The following ABCA13 variants were observed in gnomAD, a reference collection of about 807,000 sequenced individuals.
ABCA13 encodes ATP binding cassette subfamily A member 13.
ABCA13 carries 476 observed loss-of-function variants against 478.7 expected under a neutral mutation model. The observed-to-expected ratio is 0.99, with a 90% CI of 0.92 to 1.07. The LOEUF is 1.07. ABCA13 is among the 50% of genes least tolerant of loss of function. The pLI, the probability that ABCA13 is intolerant of heterozygous loss-of-function variation, is 0.00. For missense variants in ABCA13, 6,060 were observed against 5,910.6 expected, an observed-to-expected ratio of 1.03 and a Z score of -0.83; for synonymous variants, 2,252 against 2,158.9, an observed-to-expected ratio of 1.04 and a Z score of -1.20.
chr7:48,284,066 A>T (rs180753986), intron 19 of ABCA13, among the ~76,000 whole-genome samples: 1 of 152,202 alleles, frequency 6.6e-6, no homozygotes, highest in Admixed American at 6.5e-5. Flanking sequence ...ATCTCCCTGC[A>T]TGCCATTGGG....
chr7:48,301,469 A>G (rs1433987876), intron 23 of ABCA13, among the ~76,000 whole-genome samples: 2 of 151,464 alleles, frequency 1.3e-5, no homozygotes, highest in East Asian at 1.9e-4. Flanking sequence ...TCCAACAGAT[A>G]GTTCTTGGTG....
intron 19 of ABCA13, among the ~76,000 whole-genome samples, chr7:48,282,448 G>A (rs1392707206): frequency 3.3e-5 from 5 of 152,192 alleles, no homozygotes; most frequent in Non-Finnish European, 7.3e-5. Flanking sequence ...GCTGATGGCA[G>A]TGGGTTTTGA....
At chr7:48,437,693 A>T (rs942451285) in intron 42 of ABCA13, among the ~76,000 whole-genome samples, 5 of 151,970 alleles carry the variant, frequency 3.3e-5, no homozygotes, top group African/African-American at 1.2e-4. Context: ...TTTGTTGGGA[A>T]CTGTGCACTT....
chr7:48,507,223 A>G (rs957931934), intron 49 of ABCA13, among the ~76,000 whole-genome samples: 1 of 152,212 alleles, frequency 6.6e-6, no homozygotes, highest in Non-Finnish European at 1.5e-5. Context: ...AAGGCATGGC[A>G]CAGCAGATGA....
At chr7:48,484,497 C>T (rs1829094358) in intron 47 of ABCA13, among the ~76,000 whole-genome samples, 1 of 152,148 alleles carries the variant, frequency 6.6e-6, no homozygotes, top group Non-Finnish European at 1.5e-5. Context: ...TGTTCATTTC[C>T]TCTACAAATA....
chr7:48,336,693 A>T (rs939034855), intron 28 of ABCA13, among the ~76,000 whole-genome samples: 2 of 152,224 alleles, frequency 1.3e-5, no homozygotes, highest in Admixed American at 6.5e-5. Flanking sequence ...AGAGTGCAGC[A>T]GTGGGCCCTG....
Position 48,317,204 on chromosome 7 carries a change from G to A in ABCA13, c.9907G>A (p.Gly3303Ser), listed in dbSNP as rs201486540. The change falls in exon 27 of 62, where the codon GGT (glycine) becomes AGT (serine). Residue 3303 changes from glycine to serine, a missense_variant. Physicochemically the swap from Gly to Ser is moderately conservative, Grantham distance 56. Around this residue, in one of 3 missense-constraint regions of ABCA13, gnomAD observed 4,423 missense variants for 4,309.1 expected, o/e 1.03. Coordinates refer to ENST00000435803, the MANE Select transcript of ABCA13 (RefSeq NM_152701.5). ...TCAGGAAATTCTACAATTGCCAAAT[G>A]GTGCTTTGGTGTGGACCTTCCTAAA... ...LYQEILQLPN[G>S]ALVWTFLKPI... The A allele has an allele frequency of 6.2e-7, 1 of 1,613,166 alleles. No individual in the cohort carries two copies. Among genetic ancestry groups the A allele is most frequent in the South Asian group, 1.1e-5 (1 of 90,848 alleles).
chr7:48,284,901 A>G (rs972402531), intron 19 of ABCA13, among the ~76,000 whole-genome samples: 2 of 152,140 alleles, frequency 1.3e-5, no homozygotes, highest in African/African-American at 4.8e-5. Flanking sequence ...CTCCTCTCCC[A>G]TCATATAAAG....
At chr7:48,287,466 G>A (rs772268375) in intron 19 of ABCA13, among the ~76,000 whole-genome samples, 8 of 152,170 alleles carry the variant, frequency 5.3e-5, no homozygotes, top group Non-Finnish European at 1.2e-4. Context: ...TGGGGAGGTT[G>A]GTTGGCTGTG....
intron 29 of ABCA13, among the ~76,000 whole-genome samples, chr7:48,345,984 C>T (rs1008708238): frequency 6.6e-6 from 1 of 152,158 alleles, no homozygotes; most frequent in African/African-American, 2.4e-5. Context: ...CAAATCCTTA[C>T]CATCGTGTTA....
chr7:48,543,705 A>T (rs1321100245), intron 55 of ABCA13, among the ~76,000 whole-genome samples: 1 of 151,908 alleles, frequency 6.6e-6, no homozygotes, highest in Admixed American at 6.6e-5. Flanking sequence ...TGGTTAATAA[A>T]CATTTTAAAA....
At chr7:48,207,127 G>A (rs1053105134) in intron 3 of ABCA13, among the ~76,000 whole-genome samples, 7 of 152,088 alleles carry the variant, frequency 4.6e-5, no homozygotes, top group South Asian at 2.1e-4. Flanking sequence ...CATCCTTGTC[G>A]TTGCAAATGA....
At chr7:48,618,686 A>G (rs963709690) in intron 59 of ABCA13, among the ~76,000 whole-genome samples, 5 of 152,056 alleles carry the variant, frequency 3.3e-5, no homozygotes, top group African/African-American at 1.2e-4. Context: ...GCTACTTTGA[A>G]TAACTTTAGT....
In ABCA13 at chr7:48,570,482, G is replaced by A. The variant is rs141590817; in HGVS notation, c.14355-9742G>A. The stretch of plus-strand genomic sequence containing the variant: ...TGGGACTACAGGCGCCTGCCACCAC[G>A]CCTGGCCAATTTTTTGTTTTTTAGT... On this transcript the variant is annotated intron_variant, in intron 55 of 61. Transcript: ENST00000435803. 4.7e-3 allele frequency among the ~76,000 whole-genome samples: 720 copies of A among 151,580 alleles called. 4 individuals are homozygous for A. Among genetic ancestry groups the A allele is most frequent in the African/African-American group, 0.016 (677 of 41,322 alleles).
chr7:48,227,544 C>G (rs1788411482), intron 6 of ABCA13, 119 bp downstream of exon 6: 1 of 1,238,556 alleles, frequency 8.1e-7, no homozygotes, highest in Non-Finnish European at 1.1e-6. Flanking sequence ...ATAATGTTAC[C>G]TTGAAACAAG....
chr7:48,416,555 A>G (rs529344811), intron 41 of ABCA13, among the ~76,000 whole-genome samples: 1 of 152,200 alleles, frequency 6.6e-6, no homozygotes, highest in African/African-American at 2.4e-5. Flanking sequence ...AAGGGAAGAA[A>G]CTTCTAGTGC....
In ABCA13 at chr7:48,510,982, A is replaced by T. The variant is rs1029932122; in HGVS notation, c.13525-102A>T. 4 of 971,692 alleles carry T rather than the reference A, an allele frequency of 4.1e-6. No homozygotes were observed. In the African/African-American group the frequency reaches 6.5e-5, roughly 16 times the overall value. The allele number at this position is 971,692 out of a possible 1,614,324, so 60.2% of individuals were successfully genotyped here. On this transcript the variant is annotated intron_variant, in intron 50 of 61. Transcript: ENST00000435803. ...AGAACTCCTAATGTGCAAAATAGGA[A>T]ATATATTTGTGAAGTTGAAAGGAAA... is the stretch of plus-strand genomic sequence containing the variant.
rs779801275 is a variant in ABCA13, at chr7:48,279,777, C to T, written c.8583C>T (p.Val2861=). Residue 2861 remains valine, a synonymous_variant, in exon 18 of 62, where the codon GTC becomes GTT. Coordinates refer to ENST00000435803, the MANE Select transcript of ABCA13 (RefSeq NM_152701.5). ...TTAAAGCAACCACCGGAAAGAATGT[C>T]ACATCAGAAAAAGAAGAGAGAACCA... The part of the protein sequence containing the change: ...IFIKATTGKN[V]TSEKEERTKK... 13 of 1,607,450 alleles carry T rather than the reference C, an allele frequency of 8.1e-6. No individual in the cohort carries two copies. Among genetic ancestry groups the T allele is most frequent in the Non-Finnish European group, 5.9e-6 (7 of 1,178,328 alleles).
chr7:48,242,491 G>T (rs1791000629), intron 10 of ABCA13, among the ~76,000 whole-genome samples: 1 of 152,034 alleles, frequency 6.6e-6, no homozygotes, highest in Non-Finnish European at 1.5e-5. Context: ...AGGCTGAAGT[G>T]CAATGGCGCG....
Sources: allele counts gnomAD v4.1 joint callset (sites outside exome capture counted in the v4.1 genomes callset), GRCh38; gene constraint gnomAD v4.1.1; regional missense constraint gnomAD v4.1.1; transcripts MANE v1.5; gene names NCBI Gene and HGNC (gene_info 2026-07-23, HGNC 2026-07-21).